Variants in CA5A observed in about 807,000 individuals in gnomAD.
CA5A encodes carbonic anhydrase 5A, mitochondrial.
In CA5A, 28 loss-of-function variants were observed where a neutral mutation model predicts 37.1. The ratio of observed to expected loss-of-function variants is 0.75; its 90% CI spans 0.56 to 1.03. The LOEUF is 1.03. Among genes scored for constraint, CA5A ranks in the 50% least tolerant of loss-of-function variants. The pLI is 0.00. For synonymous variants in CA5A, 171 were observed against 158.4 expected (o/e 1.08, Z -0.60); for missense variants, 444 against 399.9 (o/e 1.11, Z -0.94).
Position 87,902,624 on chromosome 16 carries a change from T to C in CA5A, c.460-104A>G, listed in dbSNP as rs191838983. On this transcript the variant is annotated intron_variant, in intron 3 of 6. Coordinates refer to ENST00000649794, the MANE Select transcript of CA5A (RefSeq NM_001739.2). ...ATGTGTCCACTTAATCATAATGAAA[T>C]GGCCAGGCGCGGTGGCTCACACCTG... 1.9e-4 allele frequency: 134 copies of C among 697,926 alleles called. 1 individual carries two copies. In the African/African-American group the frequency reaches 2.3e-3, roughly 12 times the overall value. 43.2% of individuals were successfully genotyped at this position (697,926 alleles called of 1,614,324 possible).
intron 5 of CA5A, among the ~76,000 whole-genome samples, chr16:87,895,176 G>A (rs1249835974): frequency 3.3e-5 from 5 of 152,306 alleles, no homozygotes; most frequent in South Asian, 2.1e-4. Context: ...CTTGAGCCCC[G>A]GAGGTTGAGG....
Position 87,914,366 on chromosome 16 carries a change from C to T in CA5A, c.341-9462G>A, listed in dbSNP as rs1212613529. On this transcript the variant is annotated intron_variant, in intron 2 of 6. Coordinates refer to ENST00000649794, the MANE Select transcript of CA5A (RefSeq NM_001739.2). The stretch of plus-strand genomic sequence containing the variant: ...CAGCTTTTCGTCAGGCAACCGCCAG[C>T]AGCACTGAGGGGTGGGATGATGGCA... Among the ~76,000 whole-genome samples the T allele has an allele frequency of 6.6e-5, 10 of 152,224 alleles. 1 individual carries two copies. Among genetic ancestry groups the T allele is most frequent in the Admixed American group, 5.9e-4 (9 of 15,278 alleles).
In CA5A at chr16:87,928,691, A is replaced by G. The variant is rs188976926; in HGVS notation, c.143-1746T>C. 3.8e-3 allele frequency among the ~76,000 whole-genome samples: 573 copies of G among 151,534 alleles called. 6 individuals are homozygous for G. The highest frequency in any genetic ancestry group is 0.013 in the African/African-American group (539 of 41,334). On this transcript the variant is annotated intron_variant, in intron 1 of 6. Coordinates refer to ENST00000649794, the MANE Select transcript of CA5A (RefSeq NM_001739.2). ...TTTAGGTTATTTCCAACTTCTTGCA[A>G]TTAAACAAAGCTGTGATGAAGTTGC... is the stretch of plus-strand genomic sequence containing the variant.
chr16:87,891,686 T>C, intron 6 of CA5A, 113 bp downstream of exon 6: 3 of 984,180 alleles, frequency 3.0e-6, no homozygotes, highest in Non-Finnish European at 4.2e-6. Flanking sequence ...CCCAAATGCA[T>C]GAAAGAATAT....
At chr16:87,916,176 A>C (rs1443527456) in intron 2 of CA5A, among the ~76,000 whole-genome samples, 2 of 142,096 alleles carry the variant, frequency 1.4e-5, no homozygotes, top group Admixed American at 1.4e-4. Context: ...TCAAAAAAAA[A>C]AAAAACAAAA....
In CA5A at chr16:87,890,454, G is replaced by A. The variant is rs1416142261; in HGVS notation, c.774+1345C>T. ...TCACCTGGAGCCCTCGGAAAGAGATGAGCCAGAGATGCTAAGTCGCGCTGC... is the reference window on the plus strand; with the variant it reads ...TCACCTGGAGCCCTCGGAAAGAGATAAGCCAGAGATGCTAAGTCGCGCTGC... On this transcript the variant is annotated intron_variant, in intron 6 of 6. Transcript: ENST00000649794. Among the ~76,000 whole-genome samples, 6 of 152,306 alleles carry A rather than the reference G, an allele frequency of 3.9e-5. 1 individual carries two copies. In the South Asian group the frequency reaches 1.2e-3, roughly 32 times the overall value.
At chr16:87,925,110 C>A (rs952871254) in intron 2 of CA5A, among the ~76,000 whole-genome samples, 1 of 152,196 alleles carries the variant, frequency 6.6e-6, no homozygotes, top group Non-Finnish European at 1.5e-5. Flanking sequence ...TGAGCAAGAT[C>A]CCCAGGCACG....
At chr16:87,929,952 G>C (rs1395964179) in intron 1 of CA5A, among the ~76,000 whole-genome samples, 1 of 150,458 alleles carries the variant, frequency 6.6e-6, no homozygotes, top group African/African-American at 2.5e-5. Flanking sequence ...GTTAAAGATT[G>C]CAAAATCGCA....
chr16:87,898,804 G>C (rs867484152), intron 5 of CA5A, among the ~76,000 whole-genome samples: 34 of 146,282 alleles, frequency 2.3e-4, no homozygotes, highest in African/African-American at 8.8e-4. Context: ...GCACGATCTC[G>C]GCTCACTGCA....
chr16:87,918,659 T>A (rs187599654), intron 2 of CA5A, among the ~76,000 whole-genome samples: 1 of 152,334 alleles, frequency 6.6e-6, no homozygotes, highest in Non-Finnish European at 1.5e-5. Flanking sequence ...CTCTGCACCT[T>A]GTCCGCTCCC....
Position 87,891,974 on chromosome 16 carries a change from A to G in CA5A, c.619-20T>C, listed in dbSNP as rs1234151856. 2.0e-6 allele frequency: 3 copies of G among 1,516,150 alleles called. No individual in the cohort carries two copies. Among genetic ancestry groups the G allele is most frequent in the Admixed American group, 2.3e-5 (1 of 43,280 alleles). 93.9% of individuals were successfully genotyped at this position (1,516,150 alleles called of 1,614,324 possible). On this transcript the variant is annotated intron_variant, in intron 5 of 6. Transcript: ENST00000649794. ...CGCGTCCTGAGAGACCGAGAAGCAC[A>G]GGACGTGTCAGTCCTCAGGGGAGAC...
In CA5A at chr16:87,892,037, A is replaced by G. The variant is rs1200894675; in HGVS notation, c.619-83T>C. The G allele has an allele frequency of 6.9e-6, 9 of 1,297,936 alleles. No homozygotes were observed. The East Asian group carries it at 8.8e-5, about 13-fold the overall frequency. 80.4% of individuals were successfully genotyped at this position (1,297,936 alleles called of 1,614,324 possible). A position where few individuals can be genotyped will look rare whatever the true frequency, so the allele number is the denominator to read the frequency against. On this transcript the variant is annotated intron_variant, in intron 5 of 6. Coordinates refer to ENST00000649794, the MANE Select transcript of CA5A (RefSeq NM_001739.2). The stretch of plus-strand genomic sequence containing the variant: ...TCTTGTCTCAGCACGTGAGGCCTTC[A>G]TGGTGCTTGGAAGGAAGTGCTTTCC...
intron 2 of CA5A, among the ~76,000 whole-genome samples, chr16:87,919,619 G>A (rs956761856): frequency 2.0e-5 from 3 of 152,156 alleles, no homozygotes; most frequent in South Asian, 2.1e-4. Flanking sequence ...CCCTGCACCC[G>A]GTTGCAGCCC....
At chr16:87,897,433 C>T (rs1301320869) in intron 5 of CA5A, among the ~76,000 whole-genome samples, 2 of 143,946 alleles carry the variant, frequency 1.4e-5, no homozygotes, top group Non-Finnish European at 3.1e-5. Context: ...CAGGACCACA[C>T]TGGGGCTGTG....
At chr16:87,890,368 CCCGT>C (rs1365355811) in intron 6 of CA5A, among the ~76,000 whole-genome samples, 3 of 152,148 alleles carry the variant, frequency 2.0e-5, no homozygotes, top group Non-Finnish European at 2.9e-5. Flanking sequence ...AAAAGCCTTC[CCCGT>C]TTGTATATAA....
At chr16:87,927,566 G>T (rs551126546) in intron 1 of CA5A, among the ~76,000 whole-genome samples, 1 of 152,108 alleles carries the variant, frequency 6.6e-6, no homozygotes, top group Non-Finnish European at 1.5e-5. Context: ...GCCATTAATC[G>T]AAAACAGTTC....
At chr16:87,912,809 C>A (rs2056071405) in intron 2 of CA5A, among the ~76,000 whole-genome samples, 1 of 152,142 alleles carries the variant, frequency 6.6e-6, no homozygotes, top group Non-Finnish European at 1.5e-5. Flanking sequence ...CGGCTCCAGG[C>A]AGAAAGGGAC....
At chr16:87,932,255 A>C (rs116941641) in intron 1 of CA5A, among the ~76,000 whole-genome samples, 223 of 152,288 alleles carry the variant, frequency 1.5e-3, no homozygotes, top group Non-Finnish European at 2.3e-3. Flanking sequence ...ACATGGCTAC[A>C]CAGACCTGAA....
chr16:87,918,968 A>G (rs1871245105), intron 2 of CA5A, among the ~76,000 whole-genome samples: 1 of 142,334 alleles, frequency 7.0e-6, no homozygotes, highest in South Asian at 2.5e-4. Context: ...GGTTTTGGAG[A>G]AAATGACAAA....
Sources: allele counts gnomAD v4.1 joint callset (sites outside exome capture counted in the v4.1 genomes callset), GRCh38; gene constraint gnomAD v4.1.1; transcripts MANE v1.5; gene names NCBI Gene and HGNC (gene_info 2026-07-23, HGNC 2026-07-21).